Variants in ZFR observed in about 807,000 individuals in gnomAD.
The protein encoded by ZFR is zinc finger RNA-binding protein.
Under a neutral mutation model 130.7 loss-of-function variants are expected in ZFR, and 19 were observed. That is an observed-to-expected ratio of 0.15 (90% CI 0.10 to 0.21). The LOEUF (loss-of-function observed/expected upper bound fraction) is 0.21, where lower values mean the gene tolerates loss of function less well. ZFR is among the 10% of genes least tolerant of loss of function. ZFR has a pLI of 1.00. For missense variants in ZFR, 872 were observed against 1,321.5 expected, an observed-to-expected ratio of 0.66 and a Z score of 5.27; for synonymous variants, 466 against 456.9, an observed-to-expected ratio of 1.02 and a Z score of -0.25.
chr5:32,385,422 G>A, intron 15 of ZFR, 86 bp downstream of exon 15: 2 of 1,462,416 alleles, frequency 1.4e-6, no homozygotes, highest in South Asian at 2.6e-5. Context: ...CCAGCATGTT[G>A]CCTTCTAGGG....
rs560159306 is a variant in ZFR at position 32,410,437 on chromosome 5, C to T, written c.785-3416G>A. On this transcript the variant is annotated intron_variant, in intron 5 of 19. Transcript: ENST00000265069. ...CAGCCTGTGCAACATGGCAAAACCCCATCTATACAAAAAATACAAAAATAA... is the reference window on the plus strand; with the variant it reads ...CAGCCTGTGCAACATGGCAAAACCCTATCTATACAAAAAATACAAAAATAA... Among the ~76,000 whole-genome samples, 7 of 151,930 alleles carry T rather than the reference C, an allele frequency of 4.6e-5. No homozygotes were observed. The East Asian group carries it at 7.7e-4, about 17-fold the overall frequency.
chr5:32,423,337 AT>A (rs1325859767), intron 2 of ZFR, among the ~76,000 whole-genome samples: 6 of 152,004 alleles, frequency 3.9e-5, no homozygotes, highest in African/African-American at 1.2e-4. Flanking sequence ...CTCAAAAAAA[AT>A]TTTTTTTAAA....
intron 2 of ZFR, among the ~76,000 whole-genome samples, chr5:32,431,768 G>GA (rs35866437): frequency 0.017 from 2,083 of 123,700 alleles, 41 homozygotes; most frequent in African/African-American, 0.053. Flanking sequence ...ATATAACATT[G>GA]AAAAAAAAAA....
intron 2 of ZFR, among the ~76,000 whole-genome samples, chr5:32,438,515 G>A (rs1007946729): frequency 2.5e-4 from 38 of 151,920 alleles, no homozygotes; most frequent in African/African-American, 8.9e-4. Flanking sequence ...TGCCCACCTC[G>A]GCCTCCCAAA....
chr5:32,424,305 A>T (rs1754020141), intron 2 of ZFR, among the ~76,000 whole-genome samples: 1 of 152,246 alleles, frequency 6.6e-6, no homozygotes, highest in Admixed American at 6.5e-5. Context: ...GCACTTTGGG[A>T]GGCCGAGGTG....
At chr5:32,443,515 G>C (rs1754518729) in intron 2 of ZFR, among the ~76,000 whole-genome samples, 1 of 152,268 alleles carries the variant, frequency 6.6e-6, no homozygotes, top group South Asian at 2.1e-4. Context: ...ATCAGCACTA[G>C]AAACTTCGCA....
intron 2 of ZFR, among the ~76,000 whole-genome samples, chr5:32,434,668 C>T (rs1754295976): frequency 6.6e-6 from 1 of 152,122 alleles, no homozygotes; most frequent in Non-Finnish European, 1.5e-5. Flanking sequence ...AAATAATTCA[C>T]AGAATGATAA....
chr5:32,439,105 T>C (rs923659542), intron 2 of ZFR, among the ~76,000 whole-genome samples: 2 of 152,270 alleles, frequency 1.3e-5, no homozygotes, highest in Non-Finnish European at 2.9e-5. Flanking sequence ...ATAGCCATTT[T>C]ATCATCAGTG....
At chr5:32,409,724 T>C (rs1323728685) in intron 5 of ZFR, among the ~76,000 whole-genome samples, 4 of 152,170 alleles carry the variant, frequency 2.6e-5, no homozygotes, top group East Asian at 1.9e-4. Context: ...TTTCAGTTCA[T>C]GGTTGATTGA....
At position 32,391,225 on chromosome 5, in the gene ZFR, T is replaced by TA. The variant is rs533131677; in HGVS notation, c.1980-789dup. Among the ~76,000 whole-genome samples, 70 of 152,338 alleles carry TA rather than the reference T, an allele frequency of 4.6e-4. 1 individual carries two copies. The highest frequency in any genetic ancestry group is 1.6e-3 in the African/African-American group (66 of 41,584). ...CACAGTATACACCCTACTAGCCTAT[T>TA]AGTTGCTTAGTAACTAACACCGTTA... On this transcript the variant is annotated intron_variant, in intron 11 of 19. Transcript: ENST00000265069.
At position 32,411,417 on chromosome 5, in the gene ZFR, G is replaced by A. The variant is rs142449063; in HGVS notation, c.784+3552C>T. Among the ~76,000 whole-genome samples, 1,173 of 152,122 alleles carry A rather than the reference G, an allele frequency of 7.7e-3. 15 individuals carry two copies. Among genetic ancestry groups the A allele is most frequent in the African/African-American group, 0.027 (1,107 of 41,468 alleles). On this transcript the variant is annotated intron_variant, in intron 5 of 19. Transcript: ENST00000265069. ...ACTGAAAATATTCGGAGGCAGGTGCGGTGGCTCATGCCTGTAATCTCAGCA... is the reference window on the plus strand; with the variant it reads ...ACTGAAAATATTCGGAGGCAGGTGCAGTGGCTCATGCCTGTAATCTCAGCA...
At chr5:32,367,455 A>AG (rs1752572124) in intron 17 of ZFR, among the ~76,000 whole-genome samples, 1 of 94,092 alleles carries the variant, frequency 1.1e-5, no homozygotes, top group Non-Finnish European at 2.1e-5. Context: ...AAATAAATAA[A>AG]TAAATAAAGT....
intron 14 of ZFR, 106 bp from the exon 15 acceptor site, chr5:32,385,755 T>C: frequency 7.7e-7 from 1 of 1,294,208 alleles, no homozygotes. Context: ...CCATTCTATA[T>C]GAGGACCAGA....
At position 32,435,371 on chromosome 5, in the gene ZFR, T is replaced by C. The variant is rs1310145542; in HGVS notation, c.137+8858A>G. ...TACTGTCAAGCTTTTACAAGCTTACTACGAATATTTTCGGAAGTGTGTGAA... is the reference window on the plus strand; with the variant it reads ...TACTGTCAAGCTTTTACAAGCTTACCACGAATATTTTCGGAAGTGTGTGAA... On this transcript the variant is annotated intron_variant, in intron 2 of 19. Coordinates refer to ENST00000265069, the MANE Select transcript of ZFR (RefSeq NM_016107.5). 2.0e-5 allele frequency among the ~76,000 whole-genome samples: 3 copies of C among 152,262 alleles called. No homozygotes were observed. The South Asian group carries it at 6.2e-4, about 31-fold the overall frequency.
chr5:32,418,939 T>C (rs1218830540), intron 3 of ZFR, among the ~76,000 whole-genome samples: 1 of 152,206 alleles, frequency 6.6e-6, no homozygotes, highest in African/African-American at 2.4e-5. Flanking sequence ...AGAATTCCTA[T>C]AAGACTGAGT....
chr5:32,364,832 T>A (rs957957303), intron 17 of ZFR: 1 of 152,246 alleles, frequency 6.6e-6, no homozygotes, highest in Admixed American at 6.5e-5. Flanking sequence ...GTATTTAGAT[T>A]TTTAAAAATT....
chr5:32,404,948 C>T (rs1222984849), intron 6 of ZFR, among the ~76,000 whole-genome samples: 1 of 152,178 alleles, frequency 6.6e-6, no homozygotes, highest in African/African-American at 2.4e-5. Flanking sequence ...TCCTGAGTAG[C>T]TGGGACCACA....
chr5:32,389,882 G>A (rs905858501), intron 12 of ZFR, among the ~76,000 whole-genome samples: 14 of 152,356 alleles, frequency 9.2e-5, no homozygotes, highest in African/African-American at 3.1e-4. Context: ...TGGGTGAGGT[G>A]GCTCATGCCT....
intron 2 of ZFR, among the ~76,000 whole-genome samples, chr5:32,421,222 A>G (rs1331585894): frequency 6.6e-6 from 1 of 152,168 alleles, no homozygotes; most frequent in Non-Finnish European, 1.5e-5. Context: ...AACACCTACT[A>G]AAAAAAGAAG....
Sources: gnomAD v4.1 joint callset for allele counts (sites outside exome capture counted in the v4.1 genomes callset) on GRCh38, gnomAD v4.1.1 for gene constraint, MANE v1.5 for transcripts, NCBI Gene and HGNC (gene_info 2026-07-23, HGNC 2026-07-21) for gene names.